Variants in PKD1L3 observed in about 807,000 individuals in gnomAD.
PKD1L3 encodes polycystin 1 like 3, transient receptor potential channel interacting, also known as polycystin-1-like protein 3.
In PKD1L3, 239 loss-of-function variants were observed where a neutral mutation model predicts 184.1. The ratio of observed to expected loss-of-function variants is 1.30; its 90% CI spans 1.17 to 1.45. The LOEUF (loss-of-function observed/expected upper bound fraction) is 1.45, where lower values mean the gene tolerates loss of function less well. PKD1L3 is among the 40% of genes most tolerant of loss of function. The pLI is 0.00. For synonymous variants in PKD1L3, 996 were observed against 778.8 expected (o/e 1.28, Z -4.64); for missense variants, 2,660 against 2,067.2 (o/e 1.29, Z -5.56).
intron 27 of PKD1L3, 22 bp from the exon 28 acceptor site, chr16:71,933,543 A>G (rs982682095): frequency 6.7e-7 from 1 of 1,483,252 alleles, no homozygotes; most frequent in African/African-American, 1.4e-5. Flanking sequence ...GAGAAAGGCC[A>G]GTTAGTGCAA....
chr16:71,950,311 C>G lies in PKD1L3; in HGVS notation c.3191-1G>C. Reference sequence around the variant, plus strand: ...AAATGATGGTGGTTTTCAGGAACAACTGAAAATATATTTCAAGTTGACACT... The same window carrying G: ...AAATGATGGTGGTTTTCAGGAACAAGTGAAAATATATTTCAAGTTGACACT... On this transcript the variant is annotated splice_acceptor_variant, in intron 19 of 29. Transcript: ENST00000620267. LOFTEE classifies it high-confidence loss of function. 2 of 1,513,936 alleles carry G rather than the reference C, an allele frequency of 1.3e-6. No homozygotes were observed. The highest frequency in any genetic ancestry group is 1.8e-6 in the Non-Finnish European group (2 of 1,125,758). 93.8% of individuals were successfully genotyped at this position (1,513,936 alleles called of 1,614,324 possible). A position where few individuals can be genotyped will look rare whatever the true frequency, so the allele number is the denominator to read the frequency against.
chr16:71,940,825 T>C (rs2038335732), intron 24 of PKD1L3, among the ~76,000 whole-genome samples: 1 of 126,646 alleles, frequency 7.9e-6, no homozygotes, highest in Non-Finnish European at 1.6e-5. Flanking sequence ...AATTAGCATT[T>C]ATTTGCTTTT....
chr16:71,969,009 C>T (rs918585882), intron 13 of PKD1L3, among the ~76,000 whole-genome samples: 1 of 152,140 alleles, frequency 6.6e-6, no homozygotes, highest in Non-Finnish European at 1.5e-5. Context: ...CAGCTCACCG[C>T]AACCTCTGTC....
At chr16:71,938,677 G>A (rs2038261525) in intron 24 of PKD1L3, among the ~76,000 whole-genome samples, 1 of 152,240 alleles carries the variant, frequency 6.6e-6, no homozygotes, top group African/African-American at 2.4e-5. Flanking sequence ...GACTTGGGCA[G>A]ATGGCAGGAT....
At chr16:71,991,502 T>A (rs1597376496) in intron 3 of PKD1L3, among the ~76,000 whole-genome samples, 1 of 152,212 alleles carries the variant, frequency 6.6e-6, no homozygotes, top group African/African-American at 2.4e-5. Flanking sequence ...TGGGAGGGAA[T>A]ACTGAGCAGA....
chr16:71,950,984 C>G (rs2038808894), intron 19 of PKD1L3, among the ~76,000 whole-genome samples: 1 of 151,586 alleles, frequency 6.6e-6, no homozygotes, highest in Non-Finnish European at 1.5e-5. Flanking sequence ...CTCAGGTGAT[C>G]TGCATGCCTT....
At chr16:71,960,660 C>T (rs994249797) in intron 16 of PKD1L3, among the ~76,000 whole-genome samples, 4 of 152,084 alleles carry the variant, frequency 2.6e-5, no homozygotes, top group Admixed American at 1.3e-4. Context: ...GAATTAAACT[C>T]ACAGTCTTTC....
chr16:71,983,659 CTTTCT>C lies in PKD1L3; in HGVS notation c.966+372_966+376del, dbSNP rs1168461342. Among the ~76,000 whole-genome samples the C allele has an allele frequency of 8.0e-4, 74 of 92,426 alleles. 3 individuals are homozygous for C. The highest frequency in any genetic ancestry group is 2.5e-3 in the African/African-American group (63 of 25,150). 60.6% of individuals were successfully genotyped at this position (92,426 alleles called of 152,430 possible). The stretch of plus-strand genomic sequence containing the variant: ...GCATAAGGCACAATCTCCAGATTCT[CTTTCT>C]TTTTTTTTTTTTTTTTTTTTTGGAG... On this transcript the variant is annotated intron_variant, in intron 6 of 29. Coordinates refer to ENST00000620267, the MANE Select transcript of PKD1L3 (RefSeq NM_181536.2).
intron 27 of PKD1L3, 32 bp downstream of exon 27, chr16:71,933,883 G>A (rs1246108557): frequency 7.1e-6 from 11 of 1,541,860 alleles, no homozygotes; most frequent in African/African-American, 2.7e-5. Context: ...CACAGCACAC[G>A]GAGAAGGAGA....
At chr16:71,991,778 G>C (rs1316790570) in intron 3 of PKD1L3, among the ~76,000 whole-genome samples, 2 of 152,168 alleles carry the variant, frequency 1.3e-5, no homozygotes, top group African/African-American at 4.8e-5. Context: ...CACAATTAGT[G>C]AAAAGTAACC....
At position 72,000,137 on chromosome 16, in the gene PKD1L3, A is replaced by T. The variant is rs565664837; in HGVS notation, c.-159T>A. 3.3e-5 allele frequency among the ~76,000 whole-genome samples: 5 copies of T among 151,230 alleles called. No homozygotes were observed. Among genetic ancestry groups the T allele is most frequent in the Non-Finnish European group, 7.3e-5 (5 of 68,036 alleles). ...GGTTTTGTTTTGAGGACCCAGGTGC[A>T]GGTCCTACAAGCTGAAAACAAATAG... On this transcript the variant is annotated 5_prime_UTR_variant, in exon 1 of 30. Transcript: ENST00000620267.
In PKD1L3 at chr16:71,963,256, T is replaced by C. The variant is rs1567518856; in HGVS notation, c.2561A>G (p.Glu854Gly). The C allele has an allele frequency of 6.4e-7, 1 of 1,551,392 alleles. No individual in the cohort carries two copies. Among genetic ancestry groups the C allele is most frequent in the African/African-American group, 1.4e-5 (1 of 73,142 alleles). Reference sequence around the variant, plus strand: ...AACTGGGATGAAGACCCGGTCAAGCTCACAGTCTCCGAGGTCCACAGCCAG... The same window carrying C: ...AACTGGGATGAAGACCCGGTCAAGCCCACAGTCTCCGAGGTCCACAGCCAG... ...CWLAVDLGDCELDRVFIPVSK... is the reference protein window; with the variant it reads ...CWLAVDLGDCGLDRVFIPVSK... The change falls in exon 16 of 30, where the codon GAG (glutamate) becomes GGG (glycine). Residue 854 changes from glutamate to glycine, a missense_variant. Transcript: ENST00000620267.
chr16:71,967,056 G>A (rs2039525519), intron 15 of PKD1L3, 81 bp downstream of exon 15: 1 of 1,406,058 alleles, frequency 7.1e-7, no homozygotes, highest in Non-Finnish European at 9.6e-7. Context: ...AAGCTTTACT[G>A]TGATTTATTG....
intron 3 of PKD1L3, among the ~76,000 whole-genome samples, chr16:71,992,985 A>G (rs1750539930): frequency 6.6e-6 from 1 of 152,216 alleles, no homozygotes; most frequent in African/African-American, 2.4e-5. Context: ...TGGGAATAAA[A>G]CCTTGTCTTT....
At chr16:71,940,118 C>CG (rs2038309667) in intron 24 of PKD1L3, among the ~76,000 whole-genome samples, 1 of 103,304 alleles carries the variant, frequency 9.7e-6, no homozygotes, top group South Asian at 4.3e-4. Flanking sequence ...AACTGAAAGT[C>CG]AATATATATA....
rs371294495 is a variant in PKD1L3, at chr16:71,929,620, C to T, written c.5117G>A (p.Ser1706Asn). 1.5e-4 allele frequency: 226 copies of T among 1,551,722 alleles called. No homozygotes were observed. Among genetic ancestry groups the T allele is most frequent in the Middle Eastern group, 1.2e-3 (7 of 6,014 alleles). The change falls in exon 30 of 30, where the codon AGT becomes AAT. Residue 1706 changes from serine to asparagine, a missense_variant. Physicochemically the swap from Ser to Asn is conservative, Grantham distance 46. Coordinates refer to ENST00000620267, the MANE Select transcript of PKD1L3 (RefSeq NM_181536.2). The stretch of plus-strand genomic sequence containing the variant: ...CTCAGATGAGGTTTTTTGGGGCCAA[C>T]TGATTCCTAACAAATTTGAGAGCTT... ...LQKLSNLLGI[S>N]WPQKTSSEQA...
intron 2 of PKD1L3, among the ~76,000 whole-genome samples, chr16:71,995,945 G>T (rs9925225): frequency 0.036 from 5,444 of 152,218 alleles, 318 homozygotes; most frequent in African/African-American, 0.12. Context: ...AATCTGATAG[G>T]TGGGAAAGGG....
chr16:71,965,847 C>T (rs1383909597), intron 15 of PKD1L3, among the ~76,000 whole-genome samples: 1 of 152,110 alleles, frequency 6.6e-6, no homozygotes, highest in East Asian at 1.9e-4. Flanking sequence ...AGCCACTGTG[C>T]CTGGCCTTTT....
intron 10 of PKD1L3, 141 bp downstream of exon 10, chr16:71,978,114 T>A: frequency 9.6e-7 from 1 of 1,042,946 alleles, no homozygotes; most frequent in South Asian, 1.7e-5. Context: ...TATCTCTTTG[T>A]AAAAGTTCCT....
Sources: gnomAD v4.1 joint callset for allele counts (sites outside exome capture counted in the v4.1 genomes callset) on GRCh38, gnomAD v4.1.1 for gene constraint, MANE v1.5 for transcripts, NCBI Gene and HGNC (gene_info 2026-07-23, HGNC 2026-07-21) for gene names.